Variants in SGPP2 observed in about 807,000 individuals in gnomAD.
The protein encoded by SGPP2 is sphingosine 1-phosphate phosphohydrolase 2.
A neutral mutation model predicts 33.9 loss-of-function variants in SGPP2; 30 were observed. The observed-to-expected ratio is 0.89, with a 90% CI of 0.66 to 1.20. The LOEUF (loss-of-function observed/expected upper bound fraction) is 1.20, where lower values mean the gene tolerates loss of function less well. Ranked by LOEUF, SGPP2 falls within the 50% of genes most tolerant of loss-of-function variation. SGPP2 has a pLI of 0.00. For missense variants in SGPP2, 458 were observed against 532.1 expected (o/e 0.86, Z 1.37); for synonymous variants, 233 against 225.0 (o/e 1.04, Z -0.32).
At chr2:222,482,719 G>T (rs368118225) in intron 2 of SGPP2, among the ~76,000 whole-genome samples, 1 of 152,172 alleles carries the variant, frequency 6.6e-6, no homozygotes, top group African/African-American at 2.4e-5. Flanking sequence ...CACAGCCCCT[G>T]GTGTAGTCTG....
intron 4 of SGPP2, among the ~76,000 whole-genome samples, chr2:222,552,386 T>G (rs1364823409): frequency 6.6e-6 from 1 of 152,194 alleles, no homozygotes; most frequent in Admixed American, 6.5e-5. Flanking sequence ...TTTTTTAATT[T>G]TTTTATTATG....
chr2:222,472,704 C>T (rs1406053179), intron 1 of SGPP2, among the ~76,000 whole-genome samples: 1 of 152,150 alleles, frequency 6.6e-6, no homozygotes, highest in Non-Finnish European at 1.5e-5. Flanking sequence ...TGGTTTTCAT[C>T]CCCCAACAGG....
intron 2 of SGPP2, among the ~76,000 whole-genome samples, chr2:222,487,927 C>T (rs1185063877): frequency 6.6e-6 from 1 of 152,182 alleles, no homozygotes; most frequent in Admixed American, 6.5e-5. Flanking sequence ...ATCCCCTCTA[C>T]AACCCATACT....
chr2:222,477,288 T>C lies in SGPP2; in HGVS notation c.378+2562T>C, dbSNP rs1266808879. 1.3e-5 allele frequency among the ~76,000 whole-genome samples: 2 copies of C among 151,514 alleles called. No homozygotes were observed. Among genetic ancestry groups the C allele is most frequent in the Non-Finnish European group, 2.9e-5 (2 of 67,836 alleles). On this transcript the variant is annotated intron_variant, in intron 2 of 4. Transcript: ENST00000321276. This position sits in a 1 kb window ranked among gnomAD's most constrained non-coding sequence, Gnocchi z 6.0. ...AGGTGTATATGTATGTGTGTATGGGTGTGTATATGTGTGTATATAGGTGTG... is the reference window on the plus strand; with the variant it reads ...AGGTGTATATGTATGTGTGTATGGGCGTGTATATGTGTGTATATAGGTGTG...
chr2:222,527,532 GAGCCATTAT>G (rs1698777216), intron 4 of SGPP2, among the ~76,000 whole-genome samples: 1 of 152,210 alleles, frequency 6.6e-6, no homozygotes, highest in Admixed American at 6.5e-5. Flanking sequence ...CTATGGTTGA[GAGCCATTAT>G]AAAAGACATT....
chr2:222,442,994 G>A (rs765625970), intron 1 of SGPP2, among the ~76,000 whole-genome samples: 10 of 152,134 alleles, frequency 6.6e-5, no homozygotes, highest in Non-Finnish European at 1.2e-4. Flanking sequence ...GAATGCCTCC[G>A]AAGTAATTGT....
chr2:222,432,515 C>T (rs533748514), intron 1 of SGPP2, among the ~76,000 whole-genome samples: 2 of 152,264 alleles, frequency 1.3e-5, no homozygotes, highest in East Asian at 3.9e-4. Flanking sequence ...GGCATGGGGA[C>T]GTCATCCAAT....
Position 222,528,999 on chromosome 2 carries a change from GT to G in SGPP2, c.648+3973del, listed in dbSNP as rs565456890. ...GATTTCTTTGTAGAATGCCAATGCT[GT>G]TTTTTTCCTTATTTTTCTCCCCTTT... is the stretch of plus-strand genomic sequence containing the variant. On this transcript the variant is annotated intron_variant, in intron 4 of 4. Transcript: ENST00000321276. Among the ~76,000 whole-genome samples, 6 of 152,208 alleles carry G rather than the reference GT, an allele frequency of 3.9e-5. No individual in the cohort carries two copies. The South Asian group carries it at 1.0e-3, about 26-fold the overall frequency.
intron 1 of SGPP2, chr2:222,452,417 G>A: frequency 1.3e-6 from 1 of 767,280 alleles, no homozygotes; most frequent in South Asian, 1.3e-5. Flanking sequence ...TCTTCAAGTT[G>A]TATGTTCATG....
At chr2:222,459,765 C>A (rs1697631561) in intron 1 of SGPP2, among the ~76,000 whole-genome samples, 1 of 152,080 alleles carries the variant, frequency 6.6e-6, no homozygotes, top group Admixed American at 6.6e-5. Context: ...TTTCTCCTTT[C>A]TGGCCTTCAA....
chr2:222,536,435 C>T (rs1423969517), intron 4 of SGPP2, among the ~76,000 whole-genome samples: 1 of 152,234 alleles, frequency 6.6e-6, no homozygotes, highest in Non-Finnish European at 1.5e-5. Context: ...AATCCCAGCA[C>T]TTTGGGAGGC....
rs1345333880 is a variant in SGPP2 at position 222,547,640 on chromosome 2, G to A, written c.649-10707G>A. ...TATTATACTATTATATTATCACATC[G>A]AGAAACATAATACCTGCCTTACTTA... On this transcript the variant is annotated intron_variant, in intron 4 of 4. Transcript: ENST00000321276. Among the ~76,000 whole-genome samples, 11 of 151,746 alleles carry A rather than the reference G, an allele frequency of 7.2e-5. No homozygotes were observed. In the East Asian group the frequency reaches 1.3e-3, roughly 19 times the overall value.
At chr2:222,521,746 C>A in intron 2 of SGPP2, 21 bp from the exon 3 acceptor site, 1 of 1,592,282 alleles carries the variant, frequency 6.3e-7, no homozygotes, top group African/African-American at 1.4e-5. Flanking sequence ...TTAGACTTAC[C>A]TCAGTCCTTT....
chr2:222,476,155 TA>T lies in SGPP2; in HGVS notation c.378+1433del. Among the ~76,000 whole-genome samples, 1 of 151,852 alleles carries T rather than the reference TA, an allele frequency of 6.6e-6. No individual in the cohort carries two copies. Among genetic ancestry groups the T allele is most frequent in the Admixed American group, 6.5e-5 (1 of 15,268 alleles). On this transcript the variant is annotated intron_variant, in intron 2 of 4. Transcript: ENST00000321276. The surrounding 1 kb of genome is among the most constrained non-coding windows in gnomAD (Gnocchi z 4.3). ...AGGTTCAGAAGCACTTGGTTGGGTA[TA>T]AAAGAGAAGATTTTAGCAAGTGACT...
rs1698243094 is a variant in SGPP2, at chr2:222,494,316, A to G, written c.378+19590A>G. Among the ~76,000 whole-genome samples, 2 of 152,236 alleles carry G rather than the reference A, an allele frequency of 1.3e-5. 1 individual carries two copies. Among genetic ancestry groups the G allele is most frequent in the South Asian group, 4.1e-4 (2 of 4,834 alleles). On this transcript the variant is annotated intron_variant, in intron 2 of 4. Coordinates refer to ENST00000321276, the MANE Select transcript of SGPP2 (RefSeq NM_152386.4). ...AAATCCTTAAGCTAAATTTGTTGTA[A>G]TTTCGTCTTTTGACAGGAGGAAATG... is the stretch of plus-strand genomic sequence containing the variant.
At chr2:222,515,808 G>A (rs961537407) in intron 2 of SGPP2, among the ~76,000 whole-genome samples, 5 of 152,100 alleles carry the variant, frequency 3.3e-5, no homozygotes, top group African/African-American at 1.2e-4. Flanking sequence ...GGAGGCCAAG[G>A]CAGGCGGATC....
chr2:222,438,911 C>T (rs919102268), intron 1 of SGPP2, among the ~76,000 whole-genome samples: 1 of 152,064 alleles, frequency 6.6e-6, no homozygotes. Flanking sequence ...TAGCCCTCAC[C>T]CTACCAGTCA....
intron 1 of SGPP2, chr2:222,452,653 A>C: frequency 7.3e-7 from 1 of 1,377,302 alleles, no homozygotes; most frequent in South Asian, 1.2e-5. Flanking sequence ...TTCCAGGAGT[A>C]GTTGCTCCAG....
At chr2:222,430,992 A>G (rs1019495238) in intron 1 of SGPP2, among the ~76,000 whole-genome samples, 7 of 152,120 alleles carry the variant, frequency 4.6e-5, no homozygotes, top group Non-Finnish European at 8.8e-5. Context: ...GAAAAAAAAA[A>G]TTAGGTAAAA....
Sources: gnomAD v4.1 joint callset for allele counts (sites outside exome capture counted in the v4.1 genomes callset) on GRCh38, gnomAD v4.1.1 for gene constraint, Gnocchi (gnomAD v3.1) non-coding constraint, MANE v1.5 for transcripts, NCBI Gene and HGNC (gene_info 2026-07-23, HGNC 2026-07-21) for gene names.